Variants in PLCXD1 observed in about 807,000 individuals in gnomAD.
PLCXD1 encodes PI-PLC X domain-containing protein 1.
Under a neutral mutation model 37.8 loss-of-function variants are expected in PLCXD1, and 45 were observed. That is an observed-to-expected ratio of 1.19 (90% confidence interval 0.94 to 1.53). PLCXD1 has a LOEUF of 1.53. Among genes scored for constraint, PLCXD1 ranks in the 40% most tolerant of loss-of-function variants. The probability of loss-of-function intolerance (pLI) is 0.00; values close to 1 mark genes in which losing one functional copy is unlikely to be tolerated. For missense variants in PLCXD1, 539 were observed against 454.7 expected, an observed-to-expected ratio of 1.19 and a Z score of -1.69; for synonymous variants, 246 against 206.9, an observed-to-expected ratio of 1.19 and a Z score of -1.62.
At chrX:294,333 T>A (rs1363103620) in intron 6 of PLCXD1, among the ~76,000 whole-genome samples, 1 of 151,684 alleles carries the variant, frequency 6.6e-6, no homozygotes, top group Non-Finnish European at 1.5e-5. Flanking sequence ...ATACAAAAAA[T>A]TAGCCGGGCG....
At chrX:282,964 G>GTATATATTATATGTATAA in intron 1 of PLCXD1, among the ~76,000 whole-genome samples, 1 of 143,800 alleles carries the variant, frequency 7.0e-6, no homozygotes, top group Non-Finnish European at 1.5e-5. Context: ...TATTATATAT[G>GTATATATTATATGTATAA]TATATATTAT....
rs765513551 is a variant in PLCXD1 at position 285,830 on chromosome X, G to A, written c.127+1516G>A. Among the ~76,000 whole-genome samples the A allele has an allele frequency of 7.2e-5, 11 of 152,194 alleles. No homozygotes were observed. The South Asian group carries it at 2.3e-3, about 32-fold the overall frequency. On this transcript the variant is annotated intron_variant, in intron 2 of 6. Coordinates refer to ENST00000381657, the MANE Select transcript of PLCXD1 (RefSeq NM_018390.4). ...ATTAATATAAGTAGGGGGTTTCCTTGAGCCACATTTGAGGACTGCAGCCCA... is the reference window on the plus strand; with the variant it reads ...ATTAATATAAGTAGGGGGTTTCCTTAAGCCACATTTGAGGACTGCAGCCCA...
intron 1 of PLCXD1, among the ~76,000 whole-genome samples, chrX:282,939 T>C (rs1386814389): frequency 1.7e-5 from 2 of 117,220 alleles, no homozygotes; most frequent in Non-Finnish European, 3.3e-5. Context: ...GTATGTTATA[T>C]ATATATTATA....
In PLCXD1 at chrX:288,866, C is replaced by G. The variant is rs955934427; in HGVS notation, c.261C>G (p.Thr87=). 11 of 1,612,228 alleles carry G rather than the reference C, an allele frequency of 6.8e-6. No homozygotes were observed. The highest frequency in any genetic ancestry group is 1.3e-5 in the African/African-American group (1 of 74,888). ...CTGTCGTGCTGAAATGGTCCGTCAC[C>G]CAGGTACGGTCTGTGCCCCGTGCTG... ...TRPVVLKWSV[T]QALDVTEQLD... The change falls in exon 3 of 7, where the codon ACC becomes ACG. Residue 87 remains threonine (T), a synonymous_variant. Transcript: ENST00000381657.
chrX:288,967 A>T, intron 3 of PLCXD1, 98 bp downstream of exon 3: 1 of 1,223,460 alleles, frequency 8.2e-7, no homozygotes, highest in Non-Finnish European at 1.2e-6. Flanking sequence ...GTAGGGTTTG[A>T]GTGGTGCCCT....
rs747314505 is a variant in PLCXD1 at position 299,162 on chromosome X, G to T, written c.799G>T (p.Glu267Ter). The T allele has an allele frequency of 1.2e-6, 2 of 1,613,930 alleles. No homozygotes were observed. Among genetic ancestry groups the T allele is most frequent in the African/African-American group, 2.7e-5 (2 of 75,020 alleles). Reference protein sequence around the residue: ...NLQYVLAHPSESLEKMTLPNL... With the variant: ...NLQYVLAHPS ...GCAGTACGTTCTGGCGCACCCGTCCGAGTCCCTGGAGAAGATGACGCTGCC... is the reference window on the plus strand; with the variant it reads ...GCAGTACGTTCTGGCGCACCCGTCCTAGTCCCTGGAGAAGATGACGCTGCC... The change falls in exon 7 of 7, where the codon GAG becomes TAG. Residue 267 changes from glutamate to a stop codon, truncating the protein, a stop_gained. Coordinates refer to ENST00000381657, the MANE Select transcript of PLCXD1 (RefSeq NM_018390.4). LOFTEE classifies it high-confidence loss of function.
intron 1 of PLCXD1, among the ~76,000 whole-genome samples, chrX:282,402 CAAAAA>C (rs60605627): frequency 1.3e-5 from 2 of 149,016 alleles, no homozygotes; most frequent in East Asian, 2.0e-4. Flanking sequence ...CAAAACAAAA[CAAAAA>C]AAAAACCGTA....
intron 6 of PLCXD1, among the ~76,000 whole-genome samples, chrX:295,100 C>T (rs1293821521): frequency 1.2e-4 from 18 of 150,074 alleles, no homozygotes; most frequent in African/African-American, 4.4e-4. Context: ...AACCCGGGGG[C>T]GGAGGCTGCC....
In PLCXD1 at chrX:291,526, C is replaced by G. The variant is rs1458426037; in HGVS notation, c.421C>G (p.Leu141Val). Residue 141 changes from leucine to valine, a missense_variant, in exon 5 of 7, where the codon CTG becomes GTG. Coordinates refer to ENST00000381657, the MANE Select transcript of PLCXD1 (RefSeq NM_018390.4). ...EDTLTEISEW[L>V]ERHPREVVIL... is the part of the protein sequence containing the mutation. ...CACACTCACGGAAATCTCGGAGTGGCTGGAGCGGCATCCACGCGAGGTGGT... is the reference window on the plus strand; with the variant it reads ...CACACTCACGGAAATCTCGGAGTGGGTGGAGCGGCATCCACGCGAGGTGGT... The G allele has an allele frequency of 6.2e-7, 1 of 1,612,654 alleles. No homozygotes were observed. Among genetic ancestry groups the G allele is most frequent in the Non-Finnish European group, 8.5e-7 (1 of 1,179,838 alleles).
At chrX:287,775 C>T (rs942408817) in intron 2 of PLCXD1, among the ~76,000 whole-genome samples, 1 of 148,118 alleles carries the variant, frequency 6.8e-6, no homozygotes, top group Non-Finnish European at 1.5e-5. Context: ...ATATTTATAT[C>T]TATATTTAAG....
At position 299,467 on chromosome X, in the gene PLCXD1, T is replaced by C. The variant is rs1179684666; in HGVS notation, c.*132T>C. ...TAATACGTTTTCATTTTCTTTAAAATAGAGATGGGGTGGCTGGGCGTGGTG... is the reference window on the plus strand; with the variant it reads ...TAATACGTTTTCATTTTCTTTAAAACAGAGATGGGGTGGCTGGGCGTGGTG... On this transcript the variant is annotated 3_prime_UTR_variant, in exon 7 of 7. Transcript: ENST00000381657. The C allele has an allele frequency of 3.5e-5, 26 of 752,914 alleles. No homozygotes were observed. The highest frequency in any genetic ancestry group is 1.8e-4 in the South Asian group (11 of 60,200). The allele number at this position is 752,914 out of a possible 1,614,324, so 46.6% of individuals were successfully genotyped here.
intron 2 of PLCXD1, 65 bp from the exon 3 acceptor site, chrX:288,668 C>T (rs746368834): frequency 9.5e-5 from 148 of 1,565,850 alleles, no homozygotes; most frequent in African/African-American, 3.1e-4. Flanking sequence ...GGCTGTGGAG[C>T]GACTCACAGC....
At chrX:283,886 T>A (rs1258722545) in intron 1 of PLCXD1, 1 of 260,640 alleles carries the variant, frequency 3.8e-6, no homozygotes, top group Non-Finnish European at 7.3e-6. Context: ...CTCTTTTTTT[T>A]TTTTCTTTTT....
intron 5 of PLCXD1, 56 bp from the exon 6 acceptor site, chrX:292,979 C>G: frequency 8.0e-7 from 1 of 1,255,406 alleles, no homozygotes; most frequent in Non-Finnish European, 1.1e-6. Flanking sequence ...TCCGCTCTCC[C>G]AGGTGCCCCC....
rs747040964 is a variant in PLCXD1, at chrX:293,090, A to G, written c.605A>G (p.Tyr202Cys). Reference protein sequence around the residue: ...WSRGQQVIVSYEDESSLRRHH... With the variant: ...WSRGQQVIVSCEDESSLRRHH... ...CGGGGCCAACAGGTCATCGTCTCCT[A>G]TGAAGACGAGAGCTCCTTGCGCCGG... The change falls in exon 6 of 7, where the codon TAT becomes TGT. Residue 202 changes from tyrosine to cysteine, a missense_variant. Transcript: ENST00000381657. 27 of 1,611,198 alleles carry G rather than the reference A, an allele frequency of 1.7e-5. No homozygotes were observed. The highest frequency in any genetic ancestry group is 2.0e-5 in the Non-Finnish European group (23 of 1,179,142).
At chrX:285,549 A>C (rs1370974762) in intron 2 of PLCXD1, among the ~76,000 whole-genome samples, 1 of 68,524 alleles carries the variant, frequency 1.5e-5, no homozygotes, top group Non-Finnish European at 3.1e-5. Context: ...GCACACAGAC[A>C]TACACATGTA....
Position 297,353 on chromosome X carries a change from G to T in PLCXD1, c.734-1744G>T, listed in dbSNP as rs1399346718. Among the ~76,000 whole-genome samples, 2 of 56,284 alleles carry T rather than the reference G, an allele frequency of 3.6e-5. 1 individual carries two copies. 36.9% of individuals were successfully genotyped at this position (56,284 alleles called of 152,430 possible). On this transcript the variant is annotated intron_variant, in intron 6 of 6. Transcript: ENST00000381657. ...TGGGGATTAGGACGTGGACATCTTT[G>T]GGGCCATTATTCTGTCTCCCACATG...
At chrX:298,990 C>T in intron 6 of PLCXD1, 107 bp from the exon 7 acceptor site, 1 of 877,592 alleles carries the variant, frequency 1.1e-6, no homozygotes, top group Non-Finnish European at 1.9e-6. Flanking sequence ...ATGGTGCTTT[C>T]AACTCTTAAT....
chrX:289,510 C>CTTTTTTTTTTTTTTT (rs1281823641), intron 3 of PLCXD1, among the ~76,000 whole-genome samples: 2 of 97,786 alleles, frequency 2.0e-5, no homozygotes, highest in Non-Finnish European at 4.1e-5. Context: ...CTTTTTCTTT[C>CTTTTTTTTTTTTTTT]TTTTTCTTTT....
Sources: allele counts gnomAD v4.1 joint callset (sites outside exome capture counted in the v4.1 genomes callset), GRCh38; gene constraint gnomAD v4.1.1; transcripts MANE v1.5; gene names NCBI Gene and HGNC (gene_info 2026-07-23, HGNC 2026-07-21).